GRIP1: variants seen among roughly 807,000 people sequenced by gnomAD.
The protein encoded by GRIP1 is glutamate receptor-interacting protein 1.
GRIP1 carries 45 observed loss-of-function variants against 129.9 expected under a neutral mutation model. The observed-to-expected ratio is 0.35, with a 90% CI of 0.27 to 0.44. The LOEUF (loss-of-function observed/expected upper bound fraction) is 0.44. Among genes scored for constraint, GRIP1 ranks in the 20% least tolerant of loss-of-function variants. GRIP1 has a pLI of 1.00. For missense variants in GRIP1, 1,196 were observed against 1,396.8 expected (o/e 0.86, Z 2.29); for synonymous variants, 530 against 520.8 (o/e 1.02, Z -0.24).
chr12:66,951,382 G>A (rs2041754403), intron 1 of GRIP1, among the ~76,000 whole-genome samples: 1 of 152,154 alleles, frequency 6.6e-6, no homozygotes, highest in Non-Finnish European at 1.5e-5. Flanking sequence ...GCAAATAGCA[G>A]CACAAAGGTT....
chr12:66,524,201 C>G (rs1250130467), intron 5 of GRIP1, among the ~76,000 whole-genome samples: 2 of 152,162 alleles, frequency 1.3e-5, no homozygotes, highest in East Asian at 3.9e-4. Context: ...ACAGAACTCT[C>G]CACCCCAAAT....
intron 7 of GRIP1, among the ~76,000 whole-genome samples, chr12:66,474,812 A>T (rs2059553567): frequency 6.6e-6 from 1 of 152,236 alleles, no homozygotes; most frequent in Non-Finnish European, 1.5e-5. Flanking sequence ...CTGCCCTACA[A>T]GAGCTCCTGA....
At chr12:66,693,505 C>A (rs2035049818) in intron 1 of GRIP1, among the ~76,000 whole-genome samples, 1 of 152,150 alleles carries the variant, frequency 6.6e-6, no homozygotes, top group Non-Finnish European at 1.5e-5. Flanking sequence ...CCCTTGTAGG[C>A]ACCTGAGTTT....
At chr12:66,844,860 CA>C (rs1566048443) in intron 1 of GRIP1, among the ~76,000 whole-genome samples, 3 of 151,976 alleles carry the variant, frequency 2.0e-5, no homozygotes, top group East Asian at 1.9e-4. Flanking sequence ...AAACCAGTCA[CA>C]AAAAAAGAAA....
At position 66,371,790 on chromosome 12, in the gene GRIP1, G is replaced by A. The variant is rs1263863090; in HGVS notation, c.2916C>T (p.Thr972=). The change falls in exon 23 of 25, where the codon ACC becomes ACT. Residue 972 remains threonine (T), a synonymous_variant. Transcript: ENST00000359742. ...PHYSQTTRSN[T]LPSDVGRKSV... ...ACTTCCTACCCACATCTGAAGGCAGGGTGTTGCTCCGAGTTGTTTGGCTGT... is the reference window on the plus strand; with the variant it reads ...ACTTCCTACCCACATCTGAAGGCAGAGTGTTGCTCCGAGTTGTTTGGCTGT... The A allele has an allele frequency of 6.2e-7, 1 of 1,614,090 alleles. No individual in the cohort carries two copies. The highest frequency in any genetic ancestry group is 1.1e-5 in the South Asian group (1 of 91,086).
chr12:66,933,275 G>A (rs1376395102), intron 1 of GRIP1, among the ~76,000 whole-genome samples: 2 of 152,166 alleles, frequency 1.3e-5, no homozygotes, highest in Non-Finnish European at 2.9e-5. Context: ...GAGCTGCATA[G>A]AGGTTCAGGA....
chr12:66,505,041 T>C (rs2060491326), intron 7 of GRIP1, among the ~76,000 whole-genome samples: 1 of 152,146 alleles, frequency 6.6e-6, no homozygotes, highest in African/African-American at 2.4e-5. Flanking sequence ...AAAGATTCCA[T>C]GCCCTAAGCC....
At chr12:66,591,463 A>C (rs537735600) in intron 2 of GRIP1, among the ~76,000 whole-genome samples, 1 of 152,218 alleles carries the variant, frequency 6.6e-6, no homozygotes, top group Non-Finnish European at 1.5e-5. Flanking sequence ...AAGCAAAGGT[A>C]CTTATCCCTT....
chr12:66,808,308 T>A (rs1292750069), upstream of GRIP1, among the ~76,000 whole-genome samples: 2 of 152,070 alleles, frequency 1.3e-5, no homozygotes, highest in African/African-American at 4.8e-5. Flanking sequence ...TGTTTTTTTG[T>A]TTTTTTGGAG....
chr12:66,365,483 G>A lies in GRIP1; in HGVS notation c.3012+6211C>T, dbSNP rs189214643. ...TTATGTTTTTACATTTAAAATTTGT[G>A]TCTTAACAGAATCATAGAGAAGGGA... On this transcript the variant is annotated intron_variant, in intron 23 of 24. Transcript: ENST00000359742. Among the ~76,000 whole-genome samples, 11 of 152,230 alleles carry A rather than the reference G, an allele frequency of 7.2e-5. No homozygotes were observed. The East Asian group carries it at 1.7e-3, about 24-fold the overall frequency.
rs2063966271 is a variant in GRIP1, at chr12:66,594,411, C to T, written c.136+2436G>A. On this transcript the variant is annotated intron_variant, in intron 2 of 24. Coordinates refer to ENST00000359742, the MANE Select transcript of GRIP1 (RefSeq NM_001366722.1). ...TAGGCTGTAATACAGCCCAGGACGGCTTTGAATGTGCCCCAACACAAATTT... is the reference window on the plus strand; with the variant it reads ...TAGGCTGTAATACAGCCCAGGACGGTTTTGAATGTGCCCCAACACAAATTT... 2.0e-5 allele frequency among the ~76,000 whole-genome samples: 3 copies of T among 152,296 alleles called. No individual in the cohort carries two copies. The South Asian group carries it at 6.2e-4, about 32-fold the overall frequency.
intron 1 of GRIP1, among the ~76,000 whole-genome samples, chr12:66,866,857 A>G (rs1322960174): frequency 6.6e-6 from 1 of 152,246 alleles, no homozygotes; most frequent in Admixed American, 6.5e-5. Context: ...TGTAATGCAC[A>G]TATTAGCTAG....
intron 22 of GRIP1, among the ~76,000 whole-genome samples, chr12:66,373,424 G>A (rs553258909): frequency 5.9e-5 from 9 of 152,260 alleles, no homozygotes; most frequent in South Asian, 4.1e-4. Flanking sequence ...ACTGAGGCAC[G>A]AAGAGGCTGA....
intron 1 of GRIP1, among the ~76,000 whole-genome samples, chr12:66,940,522 G>A (rs1397528738): frequency 6.6e-6 from 1 of 152,106 alleles, no homozygotes; most frequent in African/African-American, 2.4e-5. Flanking sequence ...AGGTGGCAGT[G>A]CATCAGTAAA....
At chr12:66,483,950 C>G (rs1258164600) in intron 7 of GRIP1, among the ~76,000 whole-genome samples, 3 of 151,656 alleles carry the variant, frequency 2.0e-5, no homozygotes, top group African/African-American at 7.3e-5. Context: ...AGCTCCGCCT[C>G]CCGGGTTCAC....
chr12:66,837,093 T>C (rs938031815), intron 1 of GRIP1, among the ~76,000 whole-genome samples: 1 of 152,198 alleles, frequency 6.6e-6, no homozygotes, highest in Non-Finnish European at 1.5e-5. Context: ...TTTCTATTTT[T>C]CCCCTAAACT....
chr12:66,388,655 C>T (rs1036131282), intron 19 of GRIP1, among the ~76,000 whole-genome samples: 1 of 152,200 alleles, frequency 6.6e-6, no homozygotes, highest in East Asian at 1.9e-4. Flanking sequence ...GACCTGGAGG[C>T]CAACTGGAAG....
chr12:66,649,381 T>C (rs1348409743), intron 1 of GRIP1, among the ~76,000 whole-genome samples: 2 of 152,230 alleles, frequency 1.3e-5, no homozygotes, highest in Non-Finnish European at 2.9e-5. Context: ...TCAGATAAGC[T>C]GAGTCCCTCA....
chr12:66,493,269 G>A (rs1404393623), intron 7 of GRIP1, among the ~76,000 whole-genome samples: 1 of 152,042 alleles, frequency 6.6e-6, no homozygotes, highest in Admixed American at 6.6e-5. Flanking sequence ...TTTTATTAGG[G>A]GGTTCAAATT....
Sources: allele counts gnomAD v4.1 joint callset (sites outside exome capture counted in the v4.1 genomes callset), GRCh38; gene constraint gnomAD v4.1.1; transcripts MANE v1.5; gene names NCBI Gene and HGNC (gene_info 2026-07-23, HGNC 2026-07-21).